The following OPCML variants were observed in gnomAD, a reference collection of about 807,000 sequenced individuals.
OPCML encodes opioid-binding protein/cell adhesion molecule.
A neutral mutation model predicts 37.8 loss-of-function variants in OPCML; 13 were observed. The observed-to-expected ratio is 0.34, with a 90% CI of 0.22 to 0.55. The LOEUF (loss-of-function observed/expected upper bound fraction) is 0.55, where lower values mean the gene tolerates loss of function less well. Ranked by LOEUF, OPCML falls within the 20% of genes least tolerant of loss-of-function variation. OPCML has a pLI of 0.91. For missense variants in OPCML, 341 were observed against 435.6 expected, an observed-to-expected ratio of 0.78 and a Z score of 1.93; for synonymous variants, 176 against 168.8, an observed-to-expected ratio of 1.04 and a Z score of -0.33.
intron 1 of OPCML, among the ~76,000 whole-genome samples, chr11:133,326,480 A>G (rs1592203515): frequency 4.7e-5 from 3 of 64,414 alleles, no homozygotes; most frequent in Admixed American, 2.3e-4. Context: ...GTGTATGTGT[A>G]TGAGGGGGTG....
At chr11:133,223,354 C>A (rs11223404) in intron 1 of OPCML, among the ~76,000 whole-genome samples, 5 of 152,046 alleles carry the variant, frequency 3.3e-5, no homozygotes, top group Non-Finnish European at 1.5e-5. Flanking sequence ...ACAGAGTATT[C>A]TTTCTGGTCC....
At chr11:132,981,412 G>T (rs559656435) in intron 1 of OPCML, among the ~76,000 whole-genome samples, 1 of 152,188 alleles carries the variant, frequency 6.6e-6, no homozygotes, top group African/African-American at 2.4e-5. Flanking sequence ...TGTCGATGGA[G>T]GGGGAGGCTG....
At chr11:133,514,360 G>A (rs1384891275) in intron 1 of OPCML, among the ~76,000 whole-genome samples, 1 of 152,184 alleles carries the variant, frequency 6.6e-6, no homozygotes, top group Non-Finnish European at 1.5e-5. Context: ...TAGCTCCTAA[G>A]TCTCTCCCAA....
At chr11:132,725,800 A>AGAAATTT (rs1944859258) in intron 2 of OPCML, among the ~76,000 whole-genome samples, 1 of 151,934 alleles carries the variant, frequency 6.6e-6, no homozygotes, top group South Asian at 2.1e-4. Flanking sequence ...AAAAAAAGAA[A>AGAAATTT]GAAATTTCTC....
chr11:133,290,982 G>A (rs1942457486), intron 1 of OPCML, among the ~76,000 whole-genome samples: 1 of 152,216 alleles, frequency 6.6e-6, no homozygotes, highest in South Asian at 2.1e-4. Flanking sequence ...AGCCTGAGAT[G>A]CTCAGGTGAA....
chr11:132,659,817 A>G (rs1398758312), intron 2 of OPCML, among the ~76,000 whole-genome samples: 1 of 152,102 alleles, frequency 6.6e-6, no homozygotes, highest in East Asian at 1.9e-4. Context: ...CTTTTTCTAA[A>G]AGTCATAACA....
intron 1 of OPCML, among the ~76,000 whole-genome samples, chr11:133,001,657 G>A (rs1947006340): frequency 1.3e-5 from 2 of 152,226 alleles, no homozygotes; most frequent in Non-Finnish European, 2.9e-5. Flanking sequence ...AGGCCATCTG[G>A]AGTACCAGCC....
intron 1 of OPCML, among the ~76,000 whole-genome samples, chr11:133,257,766 C>T (rs541356884): frequency 6.6e-6 from 1 of 152,196 alleles, no homozygotes; most frequent in African/African-American, 2.4e-5. Flanking sequence ...ATTCATTCAT[C>T]ATCCAATAAA....
At chr11:132,819,928 C>T (rs977860606) in intron 2 of OPCML, among the ~76,000 whole-genome samples, 1 of 152,138 alleles carries the variant, frequency 6.6e-6, no homozygotes, top group African/African-American at 2.4e-5. Flanking sequence ...AATGATGTGC[C>T]TTCTCCCCCA....
chr11:133,270,156 G>C (rs1390511296), intron 1 of OPCML, among the ~76,000 whole-genome samples: 1 of 152,158 alleles, frequency 6.6e-6, no homozygotes, highest in Non-Finnish European at 1.5e-5. Context: ...TTAATTTCAA[G>C]TTTTGTGTTG....
At chr11:132,780,731 T>A (rs1946978277) in intron 2 of OPCML, among the ~76,000 whole-genome samples, 2 of 152,346 alleles carry the variant, frequency 1.3e-5, no homozygotes, top group South Asian at 4.1e-4. Context: ...CTCATTTTGC[T>A]TCTTGCCACA....
At chr11:132,974,808 A>AT (rs747890812) in intron 1 of OPCML, among the ~76,000 whole-genome samples, 3 of 151,522 alleles carry the variant, frequency 2.0e-5, no homozygotes, top group Non-Finnish European at 2.9e-5. Context: ...TTGTCCTTTG[A>AT]TTTTCTCCTA....
intron 1 of OPCML, among the ~76,000 whole-genome samples, chr11:132,971,113 C>A (rs1326601427): frequency 1.3e-5 from 2 of 152,124 alleles, no homozygotes; most frequent in Non-Finnish European, 2.9e-5. Context: ...TTTTTTCTAG[C>A]TGTTGAGAAA....
intron 1 of OPCML, among the ~76,000 whole-genome samples, chr11:133,119,978 T>C (rs773917798): frequency 6.6e-6 from 1 of 152,046 alleles, no homozygotes; most frequent in Non-Finnish European, 1.5e-5. Context: ...TCAAAGGAAA[T>C]GAAAGCTCTA....
intron 1 of OPCML, among the ~76,000 whole-genome samples, chr11:133,000,903 T>C (rs960094110): frequency 1.8e-4 from 27 of 152,296 alleles, no homozygotes; most frequent in Middle Eastern, 6.8e-3. Context: ...TCTCGTATGG[T>C]TTCCTGTGAG....
At chr11:133,153,751 A>G (rs186429386) in intron 1 of OPCML, among the ~76,000 whole-genome samples, 2 of 148,868 alleles carry the variant, frequency 1.3e-5, no homozygotes, top group East Asian at 2.0e-4. Context: ...GAAATAAGGG[A>G]AGGAGGTTGC....
intron 1 of OPCML, among the ~76,000 whole-genome samples, chr11:133,257,775 A>T (rs1298362213): frequency 6.6e-6 from 1 of 151,992 alleles, no homozygotes; most frequent in Non-Finnish European, 1.5e-5. Flanking sequence ...TCATCCAATA[A>T]ACATTTATTG....
intron 1 of OPCML, among the ~76,000 whole-genome samples, chr11:133,000,706 G>C (rs1268077798): frequency 6.6e-6 from 1 of 152,120 alleles, no homozygotes; most frequent in Admixed American, 6.5e-5. Flanking sequence ...ACCACAATTA[G>C]AGAAAAAAGA....
chr11:132,889,178 A>G (rs532829096), intron 2 of OPCML, among the ~76,000 whole-genome samples: 1 of 152,354 alleles, frequency 6.6e-6, no homozygotes, highest in East Asian at 1.9e-4. Context: ...ACAGACAAAG[A>G]AAGCTGATTT....
Sources: allele counts gnomAD v4.1 joint callset (sites outside exome capture counted in the v4.1 genomes callset), GRCh38; gene constraint gnomAD v4.1.1; transcripts MANE v1.5; gene names NCBI Gene and HGNC (gene_info 2026-07-23, HGNC 2026-07-21).